Variants in PYM1 observed in about 807,000 individuals in gnomAD.
The protein encoded by PYM1 is partner of Y14 and mago.
PYM1 carries 7 observed loss-of-function variants against 20.7 expected under a neutral mutation model. The ratio of observed to expected loss-of-function variants is 0.34; its 90% CI spans 0.19 to 0.64. The LOEUF is 0.64. PYM1 is among the 30% of genes least tolerant of loss of function. The probability of loss-of-function intolerance (pLI) is 0.74; values close to 1 mark genes in which losing one functional copy is unlikely to be tolerated. For synonymous variants in PYM1, 100 were observed against 99.2 expected (o/e 1.01, Z -0.05); for missense variants, 194 against 250.0 (o/e 0.78, Z 1.51).
At chr12:55,914,234 A>C in intron 1 of PYM1, 1 of 696,132 alleles carries the variant, frequency 1.4e-6, no homozygotes, top group Non-Finnish European at 2.6e-6. Context: ...CCTGTGTGGA[A>C]GCCCTCAGAG....
rs371390526 is a variant in PYM1 at position 55,926,012 on chromosome 12, G to A, written c.37+1713C>T. Reference sequence around the variant, plus strand: ...AGATACCATAAAATAGGTGGGCTGAGGTGTAAGGAACATGGAAAGCAGCAG... The same window carrying A: ...AGATACCATAAAATAGGTGGGCTGAAGTGTAAGGAACATGGAAAGCAGCAG... On this transcript the variant is annotated intron_variant, in intron 1 of 2. Coordinates refer to ENST00000408946, the MANE Select transcript of PYM1 (RefSeq NM_032345.3). 3.7e-4 allele frequency among the ~76,000 whole-genome samples: 57 copies of A among 152,306 alleles called. 2 individuals are homozygous for A. In the East Asian group the frequency reaches 4.0e-3, roughly 11 times the overall value.
chr12:55,914,951 C>T (rs1882980322), intron 1 of PYM1, among the ~76,000 whole-genome samples: 1 of 152,100 alleles, frequency 6.6e-6, no homozygotes, highest in Non-Finnish European at 1.5e-5. Context: ...CATGGTGGCT[C>T]ACACCTGTAA....
chr12:55,911,214 T>A (rs1008061286), intron 1 of PYM1, among the ~76,000 whole-genome samples: 1 of 152,174 alleles, frequency 6.6e-6, no homozygotes. Context: ...GTTCAAACGA[T>A]TCTCCTGCCT....
chr12:55,902,093 G>A lies in PYM1; in HGVS notation c.394C>T (p.Arg132Trp), dbSNP rs200212914. Residue 132 changes from arginine (R) to tryptophan (W), a missense_variant, in exon 3 of 3, where the codon CGG (arginine) becomes TGG (tryptophan). Around this residue, in one of 3 missense-constraint regions of PYM1, gnomAD observed 158 missense variants for 179.0 expected, o/e 0.88. Coordinates refer to ENST00000408946, the MANE Select transcript of PYM1 (RefSeq NM_032345.3). ...TCAGATGCAGCTGTGGGGGCTGCCC[G>A]AGAGCCCTGTGGAGCACTGGGGAGT... is the stretch of plus-strand genomic sequence containing the variant. ...AQLPSAPQGS[R>W]AAPTAASDQP... 24 of 1,614,094 alleles carry A rather than the reference G, an allele frequency of 1.5e-5. No homozygotes were observed. Among genetic ancestry groups the A allele is most frequent in the African/African-American group, 4.0e-5 (3 of 75,038 alleles).
chr12:55,908,248 GT>G (rs2136260082), intron 1 of PYM1, among the ~76,000 whole-genome samples: 1 of 150,198 alleles, frequency 6.7e-6, no homozygotes, highest in South Asian at 2.1e-4. Context: ...ATCTCAAAAA[GT>G]AAAAATAAGT....
intron 1 of PYM1, among the ~76,000 whole-genome samples, chr12:55,912,027 C>G (rs1329468797): frequency 6.6e-6 from 1 of 151,974 alleles, no homozygotes; most frequent in East Asian, 1.9e-4. Context: ...TATTGAGACC[C>G]TATCTCTATT....
At chr12:55,904,127 C>T (rs984707609) in intron 1 of PYM1, among the ~76,000 whole-genome samples, 1 of 151,934 alleles carries the variant, frequency 6.6e-6, no homozygotes, top group Non-Finnish European at 1.5e-5. Flanking sequence ...GCCACCACAT[C>T]CGGCTAATTT....
intron 1 of PYM1, among the ~76,000 whole-genome samples, chr12:55,921,958 C>T (rs1032021374): frequency 1.3e-5 from 2 of 152,126 alleles, no homozygotes; most frequent in African/African-American, 4.8e-5. Context: ...CTCAATGCAG[C>T]CTCAGCCTCC....
intron 1 of PYM1, among the ~76,000 whole-genome samples, chr12:55,921,522 C>T (rs1188006364): frequency 6.6e-6 from 1 of 151,762 alleles, no homozygotes; most frequent in African/African-American, 2.4e-5. Flanking sequence ...AATAAAACTC[C>T]CATAAATAAA....
intron 1 of PYM1, among the ~76,000 whole-genome samples, chr12:55,926,228 ATATTTTCCTAAAGATGAGGCCAT>A (rs1467758407): frequency 1.3e-5 from 2 of 152,244 alleles, no homozygotes; most frequent in Non-Finnish European, 2.9e-5. Flanking sequence ...ACTACTATGC[ATATTTTCCTAAAGATGAGGCCAT>A]TAGGAAGGGA....
At chr12:55,907,943 A>T (rs975528806) in intron 1 of PYM1, among the ~76,000 whole-genome samples, 5 of 148,296 alleles carry the variant, frequency 3.4e-5, no homozygotes, top group African/African-American at 5.0e-5. Flanking sequence ...GTCTCAAAAA[A>T]ATAAAAAATA....
chr12:55,919,996 A>T (rs1883071531), intron 1 of PYM1, among the ~76,000 whole-genome samples: 1 of 152,030 alleles, frequency 6.6e-6, no homozygotes, highest in Non-Finnish European at 1.5e-5. Flanking sequence ...TGCTTGTGAA[A>T]ATGAGTTTGA....
At chr12:55,916,466 G>A (rs1236490526) in intron 1 of PYM1, among the ~76,000 whole-genome samples, 1 of 152,052 alleles carries the variant, frequency 6.6e-6, no homozygotes. Context: ...TTTCACTAGA[G>A]GGTATGGGCA....
chr12:55,909,531 T>A (rs1882884048), intron 1 of PYM1, among the ~76,000 whole-genome samples: 1 of 150,684 alleles, frequency 6.6e-6, no homozygotes, highest in Non-Finnish European at 1.5e-5. Flanking sequence ...GAATCCTTTA[T>A]ACAAAGCAGT....
chr12:55,906,580 C>G (rs1038901564), intron 1 of PYM1, among the ~76,000 whole-genome samples: 4 of 152,044 alleles, frequency 2.6e-5, no homozygotes, highest in Non-Finnish European at 4.4e-5. Context: ...TCTCAGGGAC[C>G]CCCTTAAGGG....
At chr12:55,916,739 G>A (rs1432946428) in intron 1 of PYM1, among the ~76,000 whole-genome samples, 13 of 151,958 alleles carry the variant, frequency 8.6e-5, no homozygotes, top group Non-Finnish European at 1.5e-4. Flanking sequence ...TGGATGTTGC[G>A]GTGAGCCGAG....
At chr12:55,910,252 CATATATATATATATATATATATAT>C (rs71074876) in intron 1 of PYM1, among the ~76,000 whole-genome samples, 4 of 142,770 alleles carry the variant, frequency 2.8e-5, no homozygotes, top group Non-Finnish European at 6.1e-5. Context: ...TGGTTTTATA[CATATATATATATATATATATATAT>C]ATATATATAT....
intron 1 of PYM1, among the ~76,000 whole-genome samples, chr12:55,910,537 G>A (rs987107621): frequency 1.3e-5 from 2 of 152,010 alleles, no homozygotes; most frequent in Non-Finnish European, 2.9e-5. Context: ...CCGCCTCCTG[G>A]GTTCAAGTGA....
chr12:55,919,584 T>C (rs955096336), intron 1 of PYM1, among the ~76,000 whole-genome samples: 2 of 152,330 alleles, frequency 1.3e-5, no homozygotes, highest in South Asian at 4.1e-4. Flanking sequence ...TAATGTTATA[T>C]ATGCATATGT....
Sources: allele counts gnomAD v4.1 joint callset (sites outside exome capture counted in the v4.1 genomes callset), GRCh38; gene constraint gnomAD v4.1.1; regional missense constraint gnomAD v4.1.1; transcripts MANE v1.5; gene names NCBI Gene and HGNC (gene_info 2026-07-23, HGNC 2026-07-21).